ZNF708: variants seen among roughly 807,000 people sequenced by gnomAD.
ZNF708 encodes ZNF15, ZNF15L1.
A neutral mutation model predicts 47.0 loss-of-function variants in ZNF708; 44 were observed. The ratio of observed to expected loss-of-function variants is 0.94; its 90% CI spans 0.74 to 1.20. ZNF708 has a LOEUF of 1.20. ZNF708 is among the 50% of genes most tolerant of loss of function. ZNF708 has a pLI of 0.00. For synonymous variants in ZNF708, 184 were observed against 218.5 expected, an observed-to-expected ratio of 0.84 and a Z score of 1.39; for missense variants, 557 against 656.0, an observed-to-expected ratio of 0.85 and a Z score of 1.65.
In ZNF708 at chr19:21,307,358, G is replaced by T. The variant is rs1041139403; in HGVS notation, c.226+1888C>A. On this transcript the variant is annotated intron_variant, in intron 3 of 3. Transcript: ENST00000356929. ...AAGAAGATCTTGTCTGGGCGAAGTG[G>T]CTCATGCCTGTAATCCCAGCACTTT... Among the ~76,000 whole-genome samples, 3 of 152,008 alleles carry T rather than the reference G, an allele frequency of 2.0e-5. No individual in the cohort carries two copies. In the South Asian group the frequency reaches 6.2e-4, roughly 31 times the overall value.
At position 21,294,695 on chromosome 19, in the gene ZNF708, T is replaced by C; in HGVS notation, c.271A>G (p.Ile91Val). ...ATCACTTGTTGGAAAGAATTTTTTA[T>C]ATATTGCTCTGGCCTAAGGTCTTTG... is the stretch of plus-strand genomic sequence containing the variant. ...FAKDLRPEQY[I>V]KNSFQQVILR... is the part of the protein sequence containing the mutation. Residue 91 changes from isoleucine (I) to valine (V), a missense_variant, in exon 4 of 4, where the codon ATA becomes GTA. Physicochemically the swap from Ile to Val is conservative, Grantham distance 29 (BLOSUM62 3). Coordinates refer to ENST00000356929, the MANE Select transcript of ZNF708 (RefSeq NM_021269.3). 2 of 1,613,508 alleles carry C rather than the reference T, an allele frequency of 1.2e-6. No individual in the cohort carries two copies. The highest frequency in any genetic ancestry group is 1.7e-6 in the Non-Finnish European group (2 of 1,179,698).
chr19:21,297,640 T>C (rs1568345799), intron 3 of ZNF708, among the ~76,000 whole-genome samples: 2 of 151,952 alleles, frequency 1.3e-5, no homozygotes. Flanking sequence ...TAAATATATA[T>C]AAAATTAACT....
intron 1 of ZNF708, among the ~76,000 whole-genome samples, chr19:21,314,899 G>A (rs954600654): frequency 2.0e-5 from 3 of 152,154 alleles, no homozygotes; most frequent in African/African-American, 7.2e-5. Context: ...AATTGTGAGA[G>A]GGTTCCCAGT....
Position 21,293,310 on chromosome 19 carries a change from T to A in ZNF708, c.1656A>T (p.Arg552Ser). The change falls in exon 4 of 4, where the codon AGA becomes AGT. Residue 552 changes from arginine (R) to serine (S), a missense_variant. Arg to Ser is a moderately radical substitution (Grantham distance 110). Coordinates refer to ENST00000356929, the MANE Select transcript of ZNF708 (RefSeq NM_021269.3). The part of the protein sequence containing the change: ...NQSPNLTKHK[R>S]IHTKEKPYKC... The stretch of plus-strand genomic sequence containing the variant: ...TGTAGGGTTTCTCTTTGGTATGAAT[T>A]CTCTTATGTTTAGTAAGGTTTGGGG... 6.2e-7 allele frequency: 1 copy of A among 1,610,872 alleles called. No individual in the cohort carries two copies. The highest frequency in any genetic ancestry group is 1.1e-5 in the South Asian group (1 of 90,650).
intron 1 of ZNF708, chr19:21,318,186 TG>T (rs1973054564): frequency 2.0e-5 from 3 of 152,140 alleles, no homozygotes; most frequent in Admixed American, 1.3e-4. Flanking sequence ...CTACAGGATT[TG>T]GGGGTAGAAT....
At chr19:21,312,445 C>A (rs1972918141) in intron 1 of ZNF708, among the ~76,000 whole-genome samples, 2 of 152,080 alleles carry the variant, frequency 1.3e-5, no homozygotes, top group African/African-American at 4.8e-5. Flanking sequence ...GCCTGGGAGA[C>A]AGAGTGAGAC....
chr19:21,322,836 A>T (rs189991105), intron 1 of ZNF708, among the ~76,000 whole-genome samples: 1 of 152,258 alleles, frequency 6.6e-6, no homozygotes, highest in African/African-American at 2.4e-5. Context: ...TTTATTTCTG[A>T]CACCACCCAG....
At chr19:21,321,447 G>A (rs1973134292) in intron 1 of ZNF708, among the ~76,000 whole-genome samples, 1 of 151,960 alleles carries the variant, frequency 6.6e-6, no homozygotes, top group African/African-American at 2.4e-5. Flanking sequence ...AATTAGCCTG[G>A]CATGGTGATA....
intron 1 of ZNF708, among the ~76,000 whole-genome samples, chr19:21,327,317 G>A (rs892193036): frequency 1.3e-5 from 2 of 151,968 alleles, no homozygotes; most frequent in Non-Finnish European, 1.5e-5. Flanking sequence ...ATCACCTGAG[G>A]TCTGGAGTTT....
chr19:21,291,470 CAT>C lies in ZNF708; in HGVS notation c.*1802_*1803del. On this transcript the variant is annotated 3_prime_UTR_variant, in exon 4 of 4. Transcript: ENST00000356929. ...CGTGACAACTGATCACATGCTTTCA[CAT>C]GTGAATACAATAGAAATGAAGAAAT... 6.6e-6 allele frequency: 1 copy of C among 152,114 alleles called. No homozygotes were observed. The highest frequency in any genetic ancestry group is 1.9e-4 in the East Asian group (1 of 5,198). 9.4% of individuals were successfully genotyped at this position (152,114 alleles called of 1,614,324 possible). A position where few individuals can be genotyped will look rare whatever the true frequency, so the allele number is the denominator to read the frequency against.
intron 1 of ZNF708, among the ~76,000 whole-genome samples, chr19:21,321,000 G>T (rs1238371191): frequency 6.6e-6 from 1 of 151,904 alleles, no homozygotes; most frequent in East Asian, 2.0e-4. Flanking sequence ...AATTAGCTGG[G>T]CGTGGTGGCG....
In ZNF708 at chr19:21,304,754, T is replaced by A. The variant is rs1972726449; in HGVS notation, c.226+4492A>T. 2.0e-5 allele frequency among the ~76,000 whole-genome samples: 3 copies of A among 152,114 alleles called. No individual in the cohort carries two copies. In the South Asian group the frequency reaches 6.2e-4, roughly 32 times the overall value. ...AACCAGGGGTAGTAGTGCATTTCTG[T>A]AGTCCCAGCTCAAAAATTTGAGGTA... On this transcript the variant is annotated intron_variant, in intron 3 of 3. Transcript: ENST00000356929.
chr19:21,315,683 A>C (rs1306696223), intron 1 of ZNF708, among the ~76,000 whole-genome samples: 1 of 152,166 alleles, frequency 6.6e-6, no homozygotes, highest in Non-Finnish European at 1.5e-5. Flanking sequence ...GGTTGATACA[A>C]AGTTGTCTGT....
In ZNF708 at chr19:21,310,482, A is replaced by G; in HGVS notation, c.130+19T>C. 1 of 1,300,154 alleles carries G rather than the reference A, an allele frequency of 7.7e-7. No individual in the cohort carries two copies. The highest frequency in any genetic ancestry group is 1.6e-5 in the African/African-American group (1 of 64,220). 80.5% of individuals were successfully genotyped at this position (1,300,154 alleles called of 1,614,324 possible). A position where few individuals can be genotyped will look rare whatever the true frequency, so the allele number is the denominator to read the frequency against. ...AATAATAAATAATAAAAATTAAAAA[A>G]AAAAAAACTTATCCTCACCCAGGAA... On this transcript the variant is annotated intron_variant, in intron 2 of 3. Transcript: ENST00000356929.
rs1253458446 is a variant in ZNF708, at chr19:21,308,849, AC to A, written c.226+396del. 4.6e-5 allele frequency among the ~76,000 whole-genome samples: 7 copies of A among 152,230 alleles called. No homozygotes were observed. In the East Asian group the frequency reaches 5.8e-4, roughly 13 times the overall value. ...TGAAATGTGCAGAAAAATAAAAAAAACAATGGAACAGAAACCACAACTCTTA... is the reference window on the plus strand; with the variant it reads ...TGAAATGTGCAGAAAAATAAAAAAAAAATGGAACAGAAACCACAACTCTTA... On this transcript the variant is annotated intron_variant, in intron 3 of 3. Coordinates refer to ENST00000356929, the MANE Select transcript of ZNF708 (RefSeq NM_021269.3).
In ZNF708 at chr19:21,307,443, G is replaced by T. The variant is rs536173530; in HGVS notation, c.226+1803C>A. ...GTTCAAGACCAGCCTTACCAACATG[G>T]TGAAACCCCGTCTACTAAAAATACA... On this transcript the variant is annotated intron_variant, in intron 3 of 3. Transcript: ENST00000356929. Among the ~76,000 whole-genome samples, 272 of 152,126 alleles carry T rather than the reference G, an allele frequency of 1.8e-3. 1 individual carries two copies. The highest frequency in any genetic ancestry group is 3.0e-3 in the Admixed American group (46 of 15,258).
At chr19:21,307,177 A>C (rs62107468) in intron 3 of ZNF708, among the ~76,000 whole-genome samples, 22,919 of 148,508 alleles carry the variant, frequency 0.15, 2,075 homozygotes, top group Non-Finnish European at 0.21. Flanking sequence ...AAATAAAATA[A>C]AATACAATAA....
intron 1 of ZNF708, among the ~76,000 whole-genome samples, chr19:21,326,847 T>C (rs909891142): frequency 6.6e-6 from 1 of 152,062 alleles, no homozygotes; most frequent in African/African-American, 2.4e-5. Context: ...GGCAGAAGAA[T>C]TGCTTGAACC....
Position 21,293,093 on chromosome 19 carries a change from T to C in ZNF708, c.*181A>G, listed in dbSNP as rs1389695095. The C allele has an allele frequency of 5.8e-6, 5 of 861,940 alleles. No homozygotes were observed. The highest frequency in any genetic ancestry group is 9.1e-6 in the Non-Finnish European group (5 of 552,318). 53.4% of individuals were successfully genotyped at this position (861,940 alleles called of 1,614,324 possible). On this transcript the variant is annotated 3_prime_UTR_variant, in exon 4 of 4. Transcript: ENST00000356929. ...TAGTAAGATTTAGGGACCAGTTAAATGCTTTGCCACATTCTTTACATTTGT... is the reference window on the plus strand; with the variant it reads ...TAGTAAGATTTAGGGACCAGTTAAACGCTTTGCCACATTCTTTACATTTGT...
Sources: gnomAD v4.1 joint callset for allele counts (sites outside exome capture counted in the v4.1 genomes callset) on GRCh38, gnomAD v4.1.1 for gene constraint, MANE v1.5 for transcripts, NCBI Gene and HGNC (gene_info 2026-07-23, HGNC 2026-07-21) for gene names.